Variants in TEC observed in about 807,000 individuals in gnomAD.
The protein encoded by TEC is tyrosine-protein kinase Tec.
In TEC, 72 loss-of-function variants were observed where a neutral mutation model predicts 93.0. The ratio of observed to expected loss-of-function variants is 0.77; its 90% CI spans 0.64 to 0.94. TEC has a LOEUF of 0.94. TEC is among the 40% of genes least tolerant of loss of function. The probability of loss-of-function intolerance (pLI) is 0.00; values close to 1 mark genes in which losing one functional copy is unlikely to be tolerated. For missense variants in TEC, 630 were observed against 757.9 expected (o/e 0.83, Z 1.98); for synonymous variants, 249 against 247.7 (o/e 1.01, Z -0.05).
At chr4:48,212,708 T>A (rs1722952928) in intron 2 of TEC, among the ~76,000 whole-genome samples, 1 of 152,258 alleles carries the variant, frequency 6.6e-6, no homozygotes, top group South Asian at 2.1e-4. Context: ...CAATGTCCAG[T>A]GAAGTTGAGA....
chr4:48,185,982 G>A (rs372712315), intron 2 of TEC, among the ~76,000 whole-genome samples: 14 of 152,140 alleles, frequency 9.2e-5, no homozygotes, highest in Non-Finnish European at 1.8e-4. Flanking sequence ...CTCAGCCTGC[G>A]GAGTGCCTGG....
At chr4:48,146,944 T>C (rs1013583528) in intron 11 of TEC, among the ~76,000 whole-genome samples, 7 of 152,142 alleles carry the variant, frequency 4.6e-5, no homozygotes, top group Non-Finnish European at 8.8e-5. Context: ...CAATTTAAAA[T>C]CGTTATGTAC....
At chr4:48,162,999 T>C (rs529124694) in intron 8 of TEC, among the ~76,000 whole-genome samples, 2 of 152,136 alleles carry the variant, frequency 1.3e-5, no homozygotes, top group Admixed American at 6.5e-5. Flanking sequence ...CAGTTTAAGA[T>C]AAGAAACAAG....
At position 48,136,657 on chromosome 4, in the gene TEC, C is replaced by T. The variant is rs529404863; in HGVS notation, c.*759G>A. ...ACCTGAGTGAGGAGGGGGCGTTACT[C>T]ATAGAAGAATCTAGACTTTCTTCTC... On this transcript the variant is annotated 3_prime_UTR_variant, in exon 18 of 18. Coordinates refer to ENST00000381501, the MANE Select transcript of TEC (RefSeq NM_003215.3). 6.6e-6 allele frequency: 1 copy of T among 152,250 alleles called. No individual in the cohort carries two copies. Among genetic ancestry groups the T allele is most frequent in the Non-Finnish European group, 1.5e-5 (1 of 68,016 alleles). The allele number at this position is 152,250 out of a possible 1,614,324, so 9.4% of individuals were successfully genotyped here.
chr4:48,166,666 T>C (rs1176346780), intron 7 of TEC, among the ~76,000 whole-genome samples: 3 of 151,964 alleles, frequency 2.0e-5, no homozygotes, highest in African/African-American at 7.2e-5. Flanking sequence ...TATACTATTA[T>C]ATACTTTTTG....
At chr4:48,179,641 G>C (rs182449130) in intron 2 of TEC, among the ~76,000 whole-genome samples, 2 of 151,278 alleles carry the variant, frequency 1.3e-5, no homozygotes, top group Non-Finnish European at 2.9e-5. Flanking sequence ...CACCCACCTC[G>C]GCCTCCCAAA....
chr4:48,246,249 AC>A (rs1039850533), intron 1 of TEC, among the ~76,000 whole-genome samples: 10 of 152,224 alleles, frequency 6.6e-5, no homozygotes, highest in Non-Finnish European at 1.5e-4. Flanking sequence ...ACGGCAAACT[AC>A]AAAACATTGT....
At chr4:48,253,177 G>C (rs1316754963) in intron 1 of TEC, among the ~76,000 whole-genome samples, 1 of 152,150 alleles carries the variant, frequency 6.6e-6, no homozygotes, top group African/African-American at 2.4e-5. Flanking sequence ...AAATACGTAA[G>C]TTATCTTACT....
intron 2 of TEC, among the ~76,000 whole-genome samples, chr4:48,208,519 C>G (rs530361824): frequency 1.3e-5 from 2 of 152,268 alleles, no homozygotes; most frequent in Admixed American, 1.3e-4. Context: ...CATGCCCACC[C>G]CATTCCACCT....
At chr4:48,265,267 A>G (rs1409551865) in intron 1 of TEC, among the ~76,000 whole-genome samples, 2 of 151,668 alleles carry the variant, frequency 1.3e-5, no homozygotes, top group Non-Finnish European at 2.9e-5. Context: ...TCATGATTAC[A>G]GTCATGAAAA....
chr4:48,151,138 C>T (rs577666085), intron 9 of TEC, among the ~76,000 whole-genome samples, 196 bp from the exon 10 acceptor site: 6 of 152,214 alleles, frequency 3.9e-5, no homozygotes, highest in South Asian at 2.1e-4. Flanking sequence ...CAAATTACTG[C>T]GCTAGGAGAG....
chr4:48,246,150 C>A (rs1381289205), intron 1 of TEC, among the ~76,000 whole-genome samples: 1 of 151,990 alleles, frequency 6.6e-6, no homozygotes, highest in Non-Finnish European at 1.5e-5. Context: ...TCATTTTTAT[C>A]TTGTCTACCT....
chr4:48,154,728 G>A (rs1720324489), intron 9 of TEC, among the ~76,000 whole-genome samples: 1 of 152,096 alleles, frequency 6.6e-6, no homozygotes, highest in Non-Finnish European at 1.5e-5. Flanking sequence ...GTCCCAGCAG[G>A]GAGGAAATCT....
At chr4:48,157,728 C>G (rs1720460458) in intron 8 of TEC, among the ~76,000 whole-genome samples, 1 of 152,166 alleles carries the variant, frequency 6.6e-6, no homozygotes. Flanking sequence ...GTTGGCCAGG[C>G]TGGTCTCGAA....
intron 14 of TEC, chr4:48,141,676 C>CT (rs1719676556): frequency 3.4e-6 from 1 of 290,814 alleles, no homozygotes; most frequent in Non-Finnish European, 6.1e-6. Context: ...TTTTTTTTTT[C>CT]TTTTCTTTCT....
chr4:48,228,698 A>G, intron 1 of TEC, 39 bp from the exon 2 acceptor site: 1 of 1,497,824 alleles, frequency 6.7e-7, no homozygotes, highest in Non-Finnish European at 8.9e-7. Flanking sequence ...GTGACAGTTT[A>G]ATTTTCTATG....
chr4:48,189,016 G>A (rs1397523090), intron 2 of TEC, among the ~76,000 whole-genome samples: 1 of 152,128 alleles, frequency 6.6e-6, no homozygotes, highest in Non-Finnish European at 1.5e-5. Flanking sequence ...ATAGTTTTAT[G>A]ATTACCTTTT....
chr4:48,148,004 T>C (rs138481483), intron 11 of TEC, among the ~76,000 whole-genome samples: 6 of 152,314 alleles, frequency 3.9e-5, no homozygotes, highest in African/African-American at 1.4e-4. Context: ...TATTGTATAA[T>C]TCCATTTATA....
chr4:48,151,953 A>G (rs192708160), intron 9 of TEC, among the ~76,000 whole-genome samples: 35 of 152,348 alleles, frequency 2.3e-4, no homozygotes, highest in Non-Finnish European at 3.4e-4. Flanking sequence ...CTGTCCAGTA[A>G]CACTACCATC....
Sources: gnomAD v4.1 joint callset for allele counts (sites outside exome capture counted in the v4.1 genomes callset) on GRCh38, gnomAD v4.1.1 for gene constraint, MANE v1.5 for transcripts, NCBI Gene and HGNC (gene_info 2026-07-23, HGNC 2026-07-21) for gene names.